NIPSNAP1: variants seen among roughly 807,000 people sequenced by gnomAD.
The protein encoded by NIPSNAP1 is nipsnap homolog 1, also known as protein NipSnap homolog 1.
NIPSNAP1 carries 25 observed loss-of-function variants against 49.2 expected under a neutral mutation model. The ratio of observed to expected loss-of-function variants is 0.51; its 90% confidence interval spans 0.37 to 0.71. The LOEUF is 0.71. NIPSNAP1 is among the 30% of genes least tolerant of loss of function. NIPSNAP1 has a pLI of 0.00. For missense variants in NIPSNAP1, 294 were observed against 361.0 expected (o/e 0.81, Z 1.50); for synonymous variants, 143 against 140.7 (o/e 1.02, Z -0.12).
intron 1 of NIPSNAP1, among the ~76,000 whole-genome samples, chr22:29,572,114 C>A (rs1424936382): frequency 6.6e-6 from 1 of 151,300 alleles, no homozygotes; most frequent in South Asian, 2.1e-4. Flanking sequence ...ACCAGCCTGC[C>A]CAGCATGGCG....
At position 29,578,768 on chromosome 22, in the gene NIPSNAP1, G is replaced by A. The variant is rs563250913; in HGVS notation, c.98+2217C>T. On this transcript the variant is annotated intron_variant, in intron 1 of 9. Coordinates refer to ENST00000216121, the MANE Select transcript of NIPSNAP1 (RefSeq NM_003634.4). ...TACAGAAAAGGAAACTGAGGCTGAC[G>A]GAGGTTCAGCAACTCATCCAGGGTC... Among the ~76,000 whole-genome samples, 5 of 151,364 alleles carry A rather than the reference G, an allele frequency of 3.3e-5. No individual in the cohort carries two copies. The East Asian group carries it at 5.8e-4, about 18-fold the overall frequency.
At chr22:29,569,603 C>A (rs1160193400) in intron 3 of NIPSNAP1, among the ~76,000 whole-genome samples, 2 of 151,006 alleles carry the variant, frequency 1.3e-5, no homozygotes, top group Non-Finnish European at 2.9e-5. Flanking sequence ...CAGAGTTTTG[C>A]TCTTGTTGCC....
chr22:29,569,716 C>T (rs775103044), intron 3 of NIPSNAP1: 9 of 321,084 alleles, frequency 2.8e-5, no homozygotes, highest in African/African-American at 8.7e-5. Context: ...TGGGGCCAAA[C>T]GCAGTGGCAC....
chr22:29,567,130 AAAATAAAT>A (rs1225350509), intron 4 of NIPSNAP1, among the ~76,000 whole-genome samples: 2 of 152,144 alleles, frequency 1.3e-5, no homozygotes, highest in Non-Finnish European at 2.9e-5. Flanking sequence ...CCATCTCAAA[AAAATAAAT>A]AAATAAATAA....
intron 6 of NIPSNAP1, 22 bp downstream of exon 6, chr22:29,561,484 G>C (rs373232726): frequency 2.8e-5 from 45 of 1,613,630 alleles, no homozygotes; most frequent in Non-Finnish European, 3.6e-5. Context: ...GGGGCAGGAG[G>C]GGGTCTGTCG....
intron 1 of NIPSNAP1, chr22:29,580,319 G>A (rs956363589): frequency 1.0e-6 from 1 of 963,136 alleles, no homozygotes; most frequent in Non-Finnish European, 1.2e-6. Context: ...CCAAGCCCTA[G>A]CTCAGCCCAG....
chr22:29,576,895 A>G lies in NIPSNAP1; in HGVS notation c.98+4090T>C, dbSNP rs975847384. Among the ~76,000 whole-genome samples, 32 of 150,262 alleles carry G rather than the reference A, an allele frequency of 2.1e-4. 1 individual carries two copies. Among genetic ancestry groups the G allele is most frequent in the Non-Finnish European group, 4.0e-4 (27 of 67,926 alleles). On this transcript the variant is annotated intron_variant, in intron 1 of 9. Coordinates refer to ENST00000216121, the MANE Select transcript of NIPSNAP1 (RefSeq NM_003634.4). ...AGCCGAAATCGCGCCACTGCACTCC[A>G]GCCTGGCTGACAGAATGAGACTCCG...
chr22:29,556,568 G>A (rs558481295), intron 9 of NIPSNAP1, among the ~76,000 whole-genome samples: 8 of 152,184 alleles, frequency 5.3e-5, no homozygotes, highest in Admixed American at 2.6e-4. Flanking sequence ...CAACTGCCTC[G>A]TTTTACAGAT....
In NIPSNAP1 at chr22:29,555,002, T is replaced by A. The variant is rs1211180949; in HGVS notation, c.*933A>T. On this transcript the variant is annotated 3_prime_UTR_variant, in exon 10 of 10. Transcript: ENST00000216121. Reference sequence around the variant, plus strand: ...GAATGAGGGTTGGGCTGATAGAATGTCAATTAGGGGAGACAGGATACAGGG... The same window carrying A: ...GAATGAGGGTTGGGCTGATAGAATGACAATTAGGGGAGACAGGATACAGGG... 6.6e-6 allele frequency: 1 copy of A among 152,466 alleles called. No individual in the cohort carries two copies. The highest frequency in any genetic ancestry group is 1.5e-5 in the Non-Finnish European group (1 of 68,094). The allele number at this position is 152,466 out of a possible 1,614,324, so 9.4% of individuals were successfully genotyped here.
chr22:29,561,325 C>A, intron 6 of NIPSNAP1, 123 bp from the exon 7 acceptor site: 2 of 1,464,848 alleles, frequency 1.4e-6, no homozygotes, highest in South Asian at 2.3e-5. Flanking sequence ...GCCATTTGGC[C>A]TCATTCGCAG....
Position 29,561,949 on chromosome 22 carries a change from G to A in NIPSNAP1, c.368-87C>T, listed in dbSNP as rs2064339155. The A allele has an allele frequency of 2.5e-6, 3 of 1,213,400 alleles. No individual in the cohort carries two copies. The Admixed American group carries it at 5.3e-5, about 21-fold the overall frequency. 75.2% of individuals were successfully genotyped at this position (1,213,400 alleles called of 1,614,324 possible). A position where few individuals can be genotyped will look rare whatever the true frequency, so the allele number is the denominator to read the frequency against. On this transcript the variant is annotated intron_variant, in intron 4 of 9. Transcript: ENST00000216121. Reference sequence around the variant, plus strand: ...AAGGTTGGCTAAGTGGTGGGGACGGGGGAGGCGGGGTGGCCTGGTTCCCTG... The same window carrying A: ...AAGGTTGGCTAAGTGGTGGGGACGGAGGAGGCGGGGTGGCCTGGTTCCCTG...
intron 1 of NIPSNAP1, among the ~76,000 whole-genome samples, chr22:29,578,268 T>C (rs1569250449): frequency 6.6e-6 from 1 of 151,068 alleles, no homozygotes; most frequent in Non-Finnish European, 1.5e-5. Flanking sequence ...ACTCCTGGCC[T>C]CAGGTGATCC....
intron 3 of NIPSNAP1, chr22:29,569,819 T>C (rs932215235): frequency 7.9e-6 from 3 of 378,628 alleles, no homozygotes; most frequent in African/African-American, 4.2e-5. Flanking sequence ...TGAAACCCTG[T>C]CTCTACTAAA....
intron 1 of NIPSNAP1, among the ~76,000 whole-genome samples, chr22:29,576,013 C>CT (rs35741168): frequency 0.57 from 79,188 of 138,336 alleles, 22,805 homozygotes; most frequent in Non-Finnish European, 0.62. Context: ...CACACTTGGC[C>CT]TTTTTTTTTT....
Position 29,574,281 on chromosome 22 carries a change from A to AG in NIPSNAP1, c.99-3750_99-3749insC, listed in dbSNP as rs1418475599. ...CTTCACAAAAAAAAAAAAAAAAAAA[A>AG]AAAAAAAAAAAGAAAGAAAAAGAAA... is the stretch of plus-strand genomic sequence containing the variant. On this transcript the variant is annotated intron_variant, in intron 1 of 9. Transcript: ENST00000216121. 1.3e-3 allele frequency among the ~76,000 whole-genome samples: 189 copies of AG among 148,464 alleles called. 14 individuals are homozygous for AG. The highest frequency in any genetic ancestry group is 3.4e-3 in the African/African-American group (134 of 39,896).
At chr22:29,573,814 C>T (rs2064428785) in intron 1 of NIPSNAP1, among the ~76,000 whole-genome samples, 1 of 150,354 alleles carries the variant, frequency 6.7e-6, no homozygotes, top group Admixed American at 6.7e-5. Flanking sequence ...TCAAGTGCGC[C>T]TGTAGTCCCA....
intron 4 of NIPSNAP1, among the ~76,000 whole-genome samples, chr22:29,563,933 G>C (rs75149000): frequency 0.021 from 3,261 of 152,284 alleles, 134 homozygotes; most frequent in African/African-American, 0.074. Flanking sequence ...TCAACACCTT[G>C]ATTTGTGACT....
intron 1 of NIPSNAP1, among the ~76,000 whole-genome samples, chr22:29,572,061 G>A (rs1299759250): frequency 6.6e-6 from 1 of 152,168 alleles, no homozygotes. Context: ...CCAGCACTTT[G>A]GGAGGCCAAG....
intron 1 of NIPSNAP1, chr22:29,579,803 G>A (rs942606856): frequency 1.4e-5 from 4 of 288,680 alleles, no homozygotes; most frequent in Non-Finnish European, 2.8e-5. Context: ...TGAGGAACCC[G>A]AGGCTTAAAG....
Sources: allele counts gnomAD v4.1 joint callset (sites outside exome capture counted in the v4.1 genomes callset), GRCh38; gene constraint gnomAD v4.1.1; transcripts MANE v1.5; gene names NCBI Gene and HGNC (gene_info 2026-07-23, HGNC 2026-07-21).